The following CTIF variants were observed in gnomAD, a reference collection of about 807,000 sequenced individuals.
CTIF encodes the protein cap binding complex dependent translation initiation factor, also known as CBP80/20-dependent translation initiation factor.
In CTIF, 21 loss-of-function variants were observed where a neutral mutation model predicts 66.0. The observed-to-expected ratio is 0.32, with a 90% CI of 0.23 to 0.46. The LOEUF is 0.46. Ranked by LOEUF, CTIF falls within the 20% of genes least tolerant of loss-of-function variation. CTIF has a pLI of 1.00. For missense variants in CTIF, 739 were observed against 812.7 expected (o/e 0.91, Z 1.10); for synonymous variants, 345 against 326.4 (o/e 1.06, Z -0.62).
At chr18:48,556,157 G>A (rs2089015778) in intron 1 of CTIF, among the ~76,000 whole-genome samples, 1 of 152,146 alleles carries the variant, frequency 6.6e-6, no homozygotes, top group Admixed American at 6.5e-5. Context: ...GTGAAGGGTG[G>A]GTGGTGAGTG....
chr18:48,551,813 T>C (rs573273742), intron 1 of CTIF, among the ~76,000 whole-genome samples: 7 of 152,078 alleles, frequency 4.6e-5, no homozygotes, highest in South Asian at 2.1e-4. Context: ...TTTTTTTTTT[T>C]TGGAGACGGA....
At chr18:48,811,953 G>A (rs1316843102) in intron 9 of CTIF, among the ~76,000 whole-genome samples, 3 of 151,938 alleles carry the variant, frequency 2.0e-5, no homozygotes, top group African/African-American at 4.8e-5. Context: ...TTGATTTTTC[G>A]AAGAATCACC....
chr18:48,774,090 C>T (rs1343191822), intron 9 of CTIF, among the ~76,000 whole-genome samples: 4 of 152,244 alleles, frequency 2.6e-5, no homozygotes, highest in South Asian at 4.2e-4. Flanking sequence ...ACAGAGTGCA[C>T]GGCGCAGTGC....
In CTIF at chr18:48,781,263, C is replaced by T. The variant is rs528991057; in HGVS notation, c.1371+19574C>T. On this transcript the variant is annotated intron_variant, in intron 9 of 11. Coordinates refer to ENST00000256413, the MANE Select transcript of CTIF (RefSeq NM_014772.3). ...GTGCAGACAAAGCCGTGCGCCGCAGCGGGGGCCGGGCCTGCAGAAGGGACA... is the reference window on the plus strand; with the variant it reads ...GTGCAGACAAAGCCGTGCGCCGCAGTGGGGGCCGGGCCTGCAGAAGGGACA... 3.0e-3 allele frequency among the ~76,000 whole-genome samples: 464 copies of T among 152,344 alleles called. 1 individual carries two copies. The Middle Eastern group carries it at 0.037, about 12-fold the overall frequency.
At chr18:48,834,067 C>T (rs1376818789) in intron 10 of CTIF, among the ~76,000 whole-genome samples, 1 of 151,984 alleles carries the variant, frequency 6.6e-6, no homozygotes, top group Non-Finnish European at 1.5e-5. Context: ...TCTTCCTTTC[C>T]CTTCTCTCTG....
rs769138284 is a variant in CTIF, at chr18:48,625,996, C to CTTTTTTTTTTTTTTTTT, written c.180+6254_180+6255insTTTTTTTTTTTTTTTTT. Among the ~76,000 whole-genome samples, 4 of 114,488 alleles carry CTTTTTTTTTTTTTTTTT rather than the reference C, an allele frequency of 3.5e-5. 1 individual carries two copies. The highest frequency in any genetic ancestry group is 1.4e-4 in the African/African-American group (4 of 28,004). The allele number at this position is 114,488 out of a possible 152,430, so 75.1% of individuals were successfully genotyped here. On this transcript the variant is annotated intron_variant, in intron 2 of 11. Coordinates refer to ENST00000256413, the MANE Select transcript of CTIF (RefSeq NM_014772.3). The stretch of plus-strand genomic sequence containing the variant: ...AATTCACATTGTCTTATTTCTTTTT[C>CTTTTTTTTTTTTTTTTT]TTTCTTTTTTTTTTTTTTTTTTTGA...
chr18:48,841,962 T>C (rs1007413440), intron 10 of CTIF, among the ~76,000 whole-genome samples: 1 of 152,186 alleles, frequency 6.6e-6, no homozygotes, highest in African/African-American at 2.4e-5. Context: ...GCACAGCCCC[T>C]ACCTACTGGA....
intron 1 of CTIF, chr18:48,566,840 G>A (rs1446127609): frequency 6.6e-6 from 1 of 152,204 alleles, no homozygotes; most frequent in African/African-American, 2.4e-5. Context: ...GGTAAAGAAT[G>A]CTGAGTCATG....
At chr18:48,651,214 GT>G (rs1458719493) in intron 3 of CTIF, among the ~76,000 whole-genome samples, 1 of 152,134 alleles carries the variant, frequency 6.6e-6, no homozygotes, top group Non-Finnish European at 1.5e-5. Flanking sequence ...TGGATAAAGA[GT>G]CAAAACCCAT....
chr18:48,811,001 A>G (rs1349787176), intron 9 of CTIF, among the ~76,000 whole-genome samples: 2 of 151,418 alleles, frequency 1.3e-5, no homozygotes, highest in Non-Finnish European at 3.0e-5. Flanking sequence ...GCATACTTTC[A>G]TTTTTTTTCT....
chr18:48,607,867 A>C (rs1388698402), intron 1 of CTIF, among the ~76,000 whole-genome samples: 1 of 152,188 alleles, frequency 6.6e-6, no homozygotes, highest in Non-Finnish European at 1.5e-5. Flanking sequence ...GTTATGGTTG[A>C]GTACTGCTGG....
At chr18:48,791,088 C>G (rs1034460102) in intron 9 of CTIF, among the ~76,000 whole-genome samples, 1 of 152,204 alleles carries the variant, frequency 6.6e-6, no homozygotes, top group African/African-American at 2.4e-5. Flanking sequence ...AGGGGAGGCC[C>G]TGTACAAGCC....
At chr18:48,551,017 A>G (rs1232596245) in intron 1 of CTIF, among the ~76,000 whole-genome samples, 2 of 151,772 alleles carry the variant, frequency 1.3e-5, no homozygotes, top group Non-Finnish European at 2.9e-5. Flanking sequence ...GTGTCCTCTC[A>G]AAATTCATAT....
intron 8 of CTIF, chr18:48,760,594 C>G (rs1908887585): frequency 6.6e-6 from 1 of 152,162 alleles, no homozygotes; most frequent in African/African-American, 2.4e-5. Flanking sequence ...CCCTTCCAGC[C>G]AGATCTCACT....
chr18:48,636,219 C>G (rs2090819408), intron 2 of CTIF, among the ~76,000 whole-genome samples: 1 of 152,248 alleles, frequency 6.6e-6, no homozygotes, highest in South Asian at 2.1e-4. Context: ...ACCTGCCTCA[C>G]TGCCATCTCT....
intron 6 of CTIF, among the ~76,000 whole-genome samples, chr18:48,695,703 C>T (rs1051531638): frequency 1.3e-5 from 2 of 152,244 alleles, no homozygotes; most frequent in Non-Finnish European, 2.9e-5. Flanking sequence ...GTGCCTGCCT[C>T]CATACATTAC....
intron 9 of CTIF, among the ~76,000 whole-genome samples, chr18:48,791,112 C>G (rs931307217): frequency 1.3e-5 from 2 of 152,214 alleles, no homozygotes; most frequent in African/African-American, 4.8e-5. Flanking sequence ...CACTGTGGCT[C>G]AGGCCCAGAG....
intron 2 of CTIF, among the ~76,000 whole-genome samples, chr18:48,627,001 A>G (rs976576265): frequency 6.6e-6 from 1 of 152,216 alleles, no homozygotes; most frequent in Non-Finnish European, 1.5e-5. Context: ...TCTCAAAGTA[A>G]CAATTGGAAA....
chr18:48,539,490 C>T (rs1408048723), intron 1 of CTIF, 178 bp downstream of exon 1: 1 of 152,642 alleles, frequency 6.6e-6, no homozygotes, highest in Non-Finnish European at 1.5e-5. Context: ...GGTGTCCGCA[C>T]CCATCTACCA....
Sources: gnomAD v4.1 joint callset for allele counts (sites outside exome capture counted in the v4.1 genomes callset) on GRCh38, gnomAD v4.1.1 for gene constraint, MANE v1.5 for transcripts, NCBI Gene and HGNC (gene_info 2026-07-23, HGNC 2026-07-21) for gene names.